Variants in WDR70 observed in about 807,000 individuals in gnomAD.
The protein encoded by WDR70 is WD repeat-containing protein 70.
Under a neutral mutation model 88.6 loss-of-function variants are expected in WDR70, and 53 were observed. The ratio of observed to expected loss-of-function variants is 0.60; its 90% confidence interval spans 0.48 to 0.75. The LOEUF is 0.75. Among genes scored for constraint, WDR70 ranks in the 30% least tolerant of loss-of-function variants. The probability of loss-of-function intolerance (pLI) is 0.00; values close to 1 mark genes in which losing one functional copy is unlikely to be tolerated. For synonymous variants in WDR70, 280 were observed against 270.0 expected (o/e 1.04, Z -0.36); for missense variants, 610 against 823.2 (o/e 0.74, Z 3.17).
rs1384235921 is a variant in WDR70 at position 37,721,116 on chromosome 5, G to A, written c.1418G>A (p.Ser473Asn). The stretch of plus-strand genomic sequence containing the variant: ...AACCACTGCGCTTTTCCTTTGCAGA[G>A]TGTTGTTCGCTGCCTGTGGCATCCA... ...RVYEIDITDA[S>N]VVRCLWHPKL... The change falls in exon 14 of 18, where the codon AGT (serine) becomes AAT (asparagine). Residue 473 changes from serine (S) to asparagine (N), a missense_variant and splice_region_variant. By Grantham distance (46) the Ser-to-Asn change is conservative (BLOSUM62 1). Transcript: ENST00000265107. 1.2e-6 allele frequency: 2 copies of A among 1,613,538 alleles called. No individual in the cohort carries two copies. Among genetic ancestry groups the A allele is most frequent in the Admixed American group, 1.7e-5 (1 of 59,954 alleles).
intron 12 of WDR70, 150 bp downstream of exon 12, chr5:37,701,292 A>AT (rs1313506599): frequency 3.8e-5 from 21 of 547,814 alleles, no homozygotes; most frequent in African/African-American, 1.2e-4. Context: ...AAAAATATGT[A>AT]TTTTTTTTAT....
chr5:37,601,145 A>T (rs1743870056), intron 9 of WDR70, among the ~76,000 whole-genome samples: 1 of 152,208 alleles, frequency 6.6e-6, no homozygotes, highest in Admixed American at 6.5e-5. Flanking sequence ...GTTGAGTATG[A>T]TGTTAGCTGT....
intron 17 of WDR70, among the ~76,000 whole-genome samples, chr5:37,745,350 A>G (rs2112739727): frequency 6.6e-6 from 1 of 151,318 alleles, no homozygotes; most frequent in Admixed American, 6.6e-5. Context: ...CACTGACACT[A>G]CGAAGAAACT....
chr5:37,665,238 C>G (rs1745802674), intron 10 of WDR70, among the ~76,000 whole-genome samples: 1 of 152,130 alleles, frequency 6.6e-6, no homozygotes, highest in African/African-American at 2.4e-5. Context: ...TTTCCATTCA[C>G]CTATATTCTC....
intron 7 of WDR70, among the ~76,000 whole-genome samples, chr5:37,474,923 T>G (rs1337005062): frequency 6.6e-6 from 1 of 152,162 alleles, no homozygotes; most frequent in Non-Finnish European, 1.5e-5. Context: ...TTATTTTTAT[T>G]ATTTTTATTT....
chr5:37,652,083 A>G (rs1249769932), intron 10 of WDR70, among the ~76,000 whole-genome samples: 2 of 152,200 alleles, frequency 1.3e-5, no homozygotes, highest in African/African-American at 4.8e-5. Flanking sequence ...TAGGTCTTAC[A>G]AGTCTTTAAT....
intron 4 of WDR70, among the ~76,000 whole-genome samples, chr5:37,393,563 ATTTTC>A (rs2111891921): frequency 6.7e-6 from 1 of 150,014 alleles, no homozygotes; most frequent in South Asian, 2.1e-4. Context: ...TTTTGTTTCC[ATTTTC>A]TTTTGTTTCA....
intron 5 of WDR70, 92 bp from the exon 6 acceptor site, chr5:37,437,830 T>A: frequency 7.8e-7 from 1 of 1,281,322 alleles, no homozygotes; most frequent in South Asian, 1.5e-5. Flanking sequence ...ATGATGCAAT[T>A]TTAAAAAATT....
intron 7 of WDR70, among the ~76,000 whole-genome samples, chr5:37,454,799 A>G (rs557700047): frequency 2.0e-5 from 3 of 152,216 alleles, no homozygotes; most frequent in Admixed American, 6.5e-5. Context: ...AAGTATAACT[A>G]TAGACTTAAT....
intron 9 of WDR70, among the ~76,000 whole-genome samples, chr5:37,570,405 T>G (rs1742867906): frequency 6.6e-6 from 1 of 152,130 alleles, no homozygotes; most frequent in Non-Finnish European, 1.5e-5. Flanking sequence ...AGAAGATAGC[T>G]AGTTTTTTGC....
intron 9 of WDR70, among the ~76,000 whole-genome samples, chr5:37,540,746 A>T (rs925990204): frequency 4.6e-5 from 7 of 152,324 alleles, no homozygotes; most frequent in Admixed American, 1.3e-4. Flanking sequence ...TTTAAAATGT[A>T]TTCTTTTACA....
chr5:37,737,399 A>G (rs1314979827), intron 17 of WDR70, among the ~76,000 whole-genome samples: 1 of 152,210 alleles, frequency 6.6e-6, no homozygotes, highest in Non-Finnish European at 1.5e-5. Flanking sequence ...TCATAAAGCA[A>G]CTGGTAGTAG....
At chr5:37,702,464 C>T (rs373878873) in intron 12 of WDR70, among the ~76,000 whole-genome samples, 5 of 152,138 alleles carry the variant, frequency 3.3e-5, no homozygotes, top group African/African-American at 9.7e-5. Flanking sequence ...TCATGGTGCT[C>T]AACTTGATAT....
At chr5:37,506,862 G>C in intron 8 of WDR70, 1 of 1,219,344 alleles carries the variant, frequency 8.2e-7, no homozygotes, top group Non-Finnish European at 1.2e-6. Flanking sequence ...GCCTCATTGC[G>C]CTGCCCCCGG....
chr5:37,429,192 G>T (rs1053300908), intron 5 of WDR70, among the ~76,000 whole-genome samples: 1 of 152,090 alleles, frequency 6.6e-6, no homozygotes, highest in African/African-American at 2.4e-5. Context: ...TGAAAAATTA[G>T]GTTGCCTTTT....
At chr5:37,462,465 G>A (rs1222384811) in intron 7 of WDR70, among the ~76,000 whole-genome samples, 1 of 152,088 alleles carries the variant, frequency 6.6e-6, no homozygotes, top group African/African-American at 2.4e-5. Flanking sequence ...ATGACGCCTG[G>A]CTAATTTTTT....
intron 3 of WDR70, among the ~76,000 whole-genome samples, chr5:37,386,060 C>G (rs1184446347): frequency 1.3e-5 from 2 of 151,684 alleles, no homozygotes; most frequent in African/African-American, 2.4e-5. Flanking sequence ...TGATCCGCCC[C>G]CCTCAGCCTC....
chr5:37,727,137 A>G, intron 17 of WDR70, 92 bp downstream of exon 17: 3 of 1,449,602 alleles, frequency 2.1e-6, no homozygotes, highest in Non-Finnish European at 2.8e-6. Flanking sequence ...TAACTTCTCT[A>G]TTTCTTATTT....
chr5:37,486,064 A>G (rs1739858882), intron 8 of WDR70, among the ~76,000 whole-genome samples: 1 of 151,846 alleles, frequency 6.6e-6, no homozygotes, highest in Non-Finnish European at 1.5e-5. Flanking sequence ...GGTGTTGGTA[A>G]GTTTACAAAA....
Sources: gnomAD v4.1 joint callset for allele counts (sites outside exome capture counted in the v4.1 genomes callset) on GRCh38, gnomAD v4.1.1 for gene constraint, MANE v1.5 for transcripts, NCBI Gene and HGNC (gene_info 2026-07-23, HGNC 2026-07-21) for gene names.